CUL3: variants seen among roughly 807,000 people sequenced by gnomAD.
CUL3 encodes cullin 3, also known as cullin-3.
Under a neutral mutation model 89.1 loss-of-function variants are expected in CUL3, and 19 were observed. That is an observed-to-expected ratio of 0.21 (90% CI 0.15 to 0.31). The LOEUF is 0.31. Among genes scored for constraint, CUL3 ranks in the 10% least tolerant of loss-of-function variants. The pLI, the probability that CUL3 is intolerant of heterozygous loss-of-function variation, is 1.00. For missense variants in CUL3, 469 were observed against 942.3 expected (o/e 0.50, Z 6.58); for synonymous variants, 351 against 308.4 (o/e 1.14, Z -1.45).
chr2:224,512,410 C>G (rs1049180369), intron 5 of CUL3, among the ~76,000 whole-genome samples: 1 of 152,056 alleles, frequency 6.6e-6, no homozygotes, highest in Non-Finnish European at 1.5e-5. Flanking sequence ...CTTTAGCTTC[C>G]TACGAATACA....
At chr2:224,577,307 G>A (rs987914051) in intron 1 of CUL3, among the ~76,000 whole-genome samples, 1 of 152,150 alleles carries the variant, frequency 6.6e-6, no homozygotes, top group Non-Finnish European at 1.5e-5. Flanking sequence ...GGTGGCTCAC[G>A]CCTGTAATCC....
chr2:224,501,549 A>C (rs945038529), intron 10 of CUL3, among the ~76,000 whole-genome samples: 3 of 152,240 alleles, frequency 2.0e-5, no homozygotes, highest in African/African-American at 7.2e-5. Context: ...TGATTTAGTA[A>C]TGTAAATTTT....
chr2:224,481,669 ACT>A (rs1426894431), intron 14 of CUL3, among the ~76,000 whole-genome samples: 2 of 152,130 alleles, frequency 1.3e-5, no homozygotes, highest in African/African-American at 2.4e-5. Flanking sequence ...GAAAAGAAAT[ACT>A]TTGTTCACAC....
chr2:224,538,474 T>C (rs1370674537), intron 2 of CUL3, among the ~76,000 whole-genome samples: 2 of 152,124 alleles, frequency 1.3e-5, no homozygotes, highest in Non-Finnish European at 2.9e-5. Context: ...AAAGCAAGCA[T>C]GGGAAATATG....
At chr2:224,574,561 T>C (rs755435963) in intron 1 of CUL3, among the ~76,000 whole-genome samples, 1 of 152,216 alleles carries the variant, frequency 6.6e-6, no homozygotes, top group Non-Finnish European at 1.5e-5. Context: ...ACACAGGAGC[T>C]GCTCTCAAGG....
chr2:224,549,961 T>G (rs1299137472), intron 2 of CUL3, among the ~76,000 whole-genome samples: 1 of 152,178 alleles, frequency 6.6e-6, no homozygotes, highest in Non-Finnish European at 1.5e-5. Flanking sequence ...TAATGTAAGA[T>G]TAGAGCTAAG....
chr2:224,486,915 C>T (rs1691747351), intron 13 of CUL3, among the ~76,000 whole-genome samples: 1 of 152,198 alleles, frequency 6.6e-6, no homozygotes, highest in Admixed American at 6.5e-5. Context: ...CAGCAGATCC[C>T]TCTGCAGAAA....
intron 13 of CUL3, among the ~76,000 whole-genome samples, chr2:224,482,474 T>C (rs1032723457): frequency 6.6e-6 from 1 of 152,112 alleles, no homozygotes; most frequent in Non-Finnish European, 1.5e-5. Context: ...ACTCTTTTGC[T>C]TAGTAATTTC....
chr2:224,479,540 T>C (rs901147782), intron 14 of CUL3: 12 of 152,238 alleles, frequency 7.9e-5, no homozygotes, highest in Middle Eastern at 3.4e-3. Flanking sequence ...AAGTGAGATA[T>C]AAAAGAAATT....
intron 1 of CUL3, among the ~76,000 whole-genome samples, chr2:224,565,908 G>A (rs1695030585): frequency 1.3e-5 from 2 of 152,158 alleles, no homozygotes; most frequent in Admixed American, 6.5e-5. Flanking sequence ...AGGCTAGATG[G>A]CTTTTATGGC....
chr2:224,500,197 T>C (rs1173165152), intron 11 of CUL3, 166 bp downstream of exon 11: 1 of 681,910 alleles, frequency 1.5e-6, no homozygotes, highest in Non-Finnish European at 2.4e-6. Flanking sequence ...CTCATCAAGA[T>C]CCTATAGAGG....
At chr2:224,578,781 GACT>G (rs1244039102) in intron 1 of CUL3, among the ~76,000 whole-genome samples, 2 of 151,922 alleles carry the variant, frequency 1.3e-5, no homozygotes, top group Non-Finnish European at 2.9e-5. Context: ...AACCTAACAG[GACT>G]ACTAAAGACC....
chr2:224,517,645 G>A (rs1693110369), intron 3 of CUL3, among the ~76,000 whole-genome samples: 1 of 152,156 alleles, frequency 6.6e-6, no homozygotes, highest in Non-Finnish European at 1.5e-5. Context: ...CAGCCTGGAT[G>A]ACACAGCAAG....
intron 5 of CUL3, among the ~76,000 whole-genome samples, chr2:224,513,307 A>G (rs1406426540): frequency 6.6e-6 from 1 of 152,046 alleles, no homozygotes; most frequent in Non-Finnish European, 1.5e-5. Context: ...TATTTTAAAA[A>G]CCATGTGTGT....
intron 6 of CUL3, among the ~76,000 whole-genome samples, chr2:224,507,967 T>C (rs912159422): frequency 2.0e-5 from 3 of 152,156 alleles, no homozygotes; most frequent in Non-Finnish European, 4.4e-5. Context: ...ATGTGAGCCA[T>C]AGAGCTCTGA....
At chr2:224,564,828 C>CCTGA (rs1203218117) in intron 1 of CUL3, among the ~76,000 whole-genome samples, 1 of 143,786 alleles carries the variant, frequency 7.0e-6, no homozygotes, top group Admixed American at 7.2e-5. Flanking sequence ...GTCAAAAATC[C>CCTGA]CTGACAACTC....
chr2:224,518,098 G>A (rs183258942), intron 3 of CUL3, among the ~76,000 whole-genome samples: 1 of 152,294 alleles, frequency 6.6e-6, no homozygotes. Context: ...ACAGTAGTGA[G>A]AGAACCTTTT....
chr2:224,579,623 T>C (rs778930246), intron 1 of CUL3, among the ~76,000 whole-genome samples: 2 of 152,224 alleles, frequency 1.3e-5, no homozygotes, highest in Non-Finnish European at 2.9e-5. Context: ...TTCCAAACAG[T>C]TGCTGTCCAT....
At chr2:224,556,395 G>GACACAACATC (rs1694709141) in intron 2 of CUL3, 1 of 152,116 alleles carries the variant, frequency 6.6e-6, no homozygotes, top group Non-Finnish European at 1.5e-5. Context: ...ATGCACTGAG[G>GACACAACATC]ACACAACATC....
Sources: gnomAD v4.1 joint callset for allele counts (sites outside exome capture counted in the v4.1 genomes callset) on GRCh38, gnomAD v4.1.1 for gene constraint, MANE v1.5 for transcripts, NCBI Gene and HGNC (gene_info 2026-07-23, HGNC 2026-07-21) for gene names.